RBPJ: variants seen among roughly 807,000 people sequenced by gnomAD.
The protein encoded by RBPJ is recombining binding protein suppressor of hairless.
A neutral mutation model predicts 67.8 loss-of-function variants in RBPJ; 9 were observed. The observed-to-expected ratio is 0.13, with a 90% CI of 0.08 to 0.23. The LOEUF (loss-of-function observed/expected upper bound fraction) is 0.23, where lower values mean the gene tolerates loss of function less well. RBPJ is among the 10% of genes least tolerant of loss of function. RBPJ has a pLI of 1.00. For missense variants in RBPJ, 305 were observed against 595.6 expected, an observed-to-expected ratio of 0.51 and a Z score of 5.08; for synonymous variants, 198 against 203.3, an observed-to-expected ratio of 0.97 and a Z score of 0.22.
intron 1 of RBPJ, among the ~76,000 whole-genome samples, chr4:26,252,316 C>T (rs1238122448): frequency 6.6e-6 from 1 of 152,066 alleles, no homozygotes; most frequent in Non-Finnish European, 1.5e-5. Flanking sequence ...CATTCTTTGA[C>T]TGGGTGCAGT....
At position 26,176,935 on chromosome 4, in the gene RBPJ, G is replaced by A. The variant is rs565448087; in HGVS notation, c.-167+13321G>A. 3.3e-5 allele frequency among the ~76,000 whole-genome samples: 5 copies of A among 152,370 alleles called. No homozygotes were observed. In the South Asian group the frequency reaches 1.0e-3, roughly 32 times the overall value. ...TTCTTTTAGGGGTGCAGAAGCTGCA[G>A]TCATAGGGTGAGGGAAGGAGTGTCC... is the stretch of plus-strand genomic sequence containing the variant. On this transcript the variant is annotated intron_variant, in intron 1 of 4. Coordinates refer to the RBPJ transcript ENST00000512351.
intron 1 of RBPJ, among the ~76,000 whole-genome samples, chr4:26,211,168 A>G (rs1430316348): frequency 6.6e-6 from 1 of 152,144 alleles, no homozygotes; most frequent in Admixed American, 6.6e-5. Flanking sequence ...ATTATATAGA[A>G]AGTACCATAT....
At chr4:26,248,282 T>G (rs895755360) in intron 1 of RBPJ, among the ~76,000 whole-genome samples, 2 of 152,110 alleles carry the variant, frequency 1.3e-5, no homozygotes, top group African/African-American at 4.8e-5. Context: ...CAGAGCAAGA[T>G]TCCATCTCAA....
At chr4:26,345,445 A>G (rs996091432) in intron 1 of RBPJ, among the ~76,000 whole-genome samples, 1 of 152,232 alleles carries the variant, frequency 6.6e-6, no homozygotes, top group Non-Finnish European at 1.5e-5. Context: ...TGGTCCCCAA[A>G]AGCGCCTACT....
chr4:26,325,563 A>C (rs1723539391), intron 1 of RBPJ, among the ~76,000 whole-genome samples: 1 of 152,214 alleles, frequency 6.6e-6, no homozygotes, highest in South Asian at 2.1e-4. Flanking sequence ...AATTATTCCT[A>C]ACTCAGAAAG....
chr4:26,142,787 T>TGAGA, the RBPJ span, among the ~76,000 whole-genome samples: 1 of 150,772 alleles, frequency 6.6e-6, no homozygotes, highest in African/African-American at 2.4e-5. Flanking sequence ...TGTGTGTGTG[T>TGAGA]GAGAGAGAGA....
chr4:26,158,632 A>C (rs1034767236), upstream of RBPJ, among the ~76,000 whole-genome samples: 5 of 152,206 alleles, frequency 3.3e-5, no homozygotes, highest in Non-Finnish European at 7.3e-5. Context: ...TCTCCAATAT[A>C]TGAGTCCTTC....
At chr4:26,367,128 AAAAT>A (rs1728714947) in intron 1 of RBPJ, among the ~76,000 whole-genome samples, 1 of 152,124 alleles carries the variant, frequency 6.6e-6, no homozygotes, top group Middle Eastern at 3.4e-3. Context: ...CTGTTTCAAA[AAAAT>A]AAATTAATTA....
chr4:26,347,225 G>A (rs992515623), intron 1 of RBPJ, among the ~76,000 whole-genome samples: 10 of 152,072 alleles, frequency 6.6e-5, no homozygotes, highest in African/African-American at 1.2e-4. Flanking sequence ...CCAGTTATAC[G>A]TGGCGATCCT....
intron 1 of RBPJ, among the ~76,000 whole-genome samples, chr4:26,234,293 A>G (rs781746627): frequency 6.6e-6 from 1 of 152,248 alleles, no homozygotes; most frequent in Non-Finnish European, 1.5e-5. Context: ...ATATTCAACA[A>G]GCATTTATTA....
chr4:26,222,824 T>C (rs1265198972), intron 1 of RBPJ, among the ~76,000 whole-genome samples: 1 of 151,940 alleles, frequency 6.6e-6, no homozygotes, highest in Non-Finnish European at 1.5e-5. Flanking sequence ...ATAAAACATA[T>C]AATCCTTTGA....
intron 4 of RBPJ, among the ~76,000 whole-genome samples, chr4:26,418,243 C>T (rs1734782138): frequency 6.6e-6 from 1 of 152,108 alleles, no homozygotes; most frequent in African/African-American, 2.4e-5. Context: ...GATTATATGC[C>T]ATTTTCTCTT....
At chr4:26,319,913 G>A, upstream of RBPJ, 1 of 1,586,846 alleles carries the variant, frequency 6.3e-7, no homozygotes, top group Non-Finnish European at 8.6e-7. Flanking sequence ...CGGGATTCGG[G>A]CCCTTCACCC....
intron 1 of RBPJ, among the ~76,000 whole-genome samples, chr4:26,261,422 C>A (rs530853084): frequency 1.3e-5 from 2 of 151,798 alleles, no homozygotes; most frequent in African/African-American, 4.8e-5. Flanking sequence ...CTAATTTGGG[C>A]TTTAGGAAGT....
At chr4:26,267,524 G>T (rs1426108262) in intron 1 of RBPJ, among the ~76,000 whole-genome samples, 2 of 152,004 alleles carry the variant, frequency 1.3e-5, no homozygotes, top group Non-Finnish European at 2.9e-5. Context: ...ATTTAACGAG[G>T]TATTCACCTG....
chr4:26,209,220 A>G (rs1465247598), intron 1 of RBPJ, among the ~76,000 whole-genome samples: 2 of 152,006 alleles, frequency 1.3e-5, no homozygotes, highest in African/African-American at 4.8e-5. Flanking sequence ...TGTTGATTCT[A>G]TTAAGTTGGT....
At chr4:26,195,991 C>CAG (rs147155469) in intron 1 of RBPJ, among the ~76,000 whole-genome samples, 2 of 151,530 alleles carry the variant, frequency 1.3e-5, no homozygotes, top group South Asian at 2.1e-4. Flanking sequence ...AAAGAGGAAA[C>CAG]AGAGAGAGAG....
chr4:26,242,403 C>T (rs1448796332), intron 1 of RBPJ, among the ~76,000 whole-genome samples: 13 of 148,830 alleles, frequency 8.7e-5, no homozygotes, highest in Admixed American at 4.1e-4. Context: ...CAGGAGATTG[C>T]GCCGCTGTAC....
rs1452236783 is a variant in RBPJ at position 26,433,918 on chromosome 4, T to C, written c.*2911T>C. 1.3e-5 allele frequency: 2 copies of C among 152,230 alleles called. No individual in the cohort carries two copies. Among genetic ancestry groups the C allele is most frequent in the Non-Finnish European group, 2.9e-5 (2 of 68,042 alleles). The allele number at this position is 152,230 out of a possible 1,614,324, so 9.4% of individuals were successfully genotyped here. ...ATTAGAATGGTGAGTGCTTCAGTTA[T>C]AGTATGTTTGAATTTTTAAAAAATT... On this transcript the variant is annotated 3_prime_UTR_variant, in exon 11 of 11. Coordinates refer to ENST00000355476, the MANE Select transcript of RBPJ (RefSeq NM_015874.6).
Sources: allele counts gnomAD v4.1 joint callset (sites outside exome capture counted in the v4.1 genomes callset), GRCh38; gene constraint gnomAD v4.1.1; transcripts MANE v1.5; gene names NCBI Gene and HGNC (gene_info 2026-07-23, HGNC 2026-07-21).